Variants in SASH1 observed in about 807,000 individuals in gnomAD.
The protein encoded by SASH1 is SAM and SH3 domain containing 1.
SASH1 carries 44 observed loss-of-function variants against 125.2 expected under a neutral mutation model. The observed-to-expected ratio is 0.35, with a 90% confidence interval of 0.28 to 0.45. The LOEUF (loss-of-function observed/expected upper bound fraction) is 0.45. Among genes scored for constraint, SASH1 ranks in the 20% least tolerant of loss-of-function variants. SASH1 has a pLI of 1.00. For missense variants in SASH1, 1,426 were observed against 1,614.5 expected (o/e 0.88, Z 2.00); for synonymous variants, 639 against 649.1 (o/e 0.98, Z 0.24).
At chr6:148,335,020 G>A (rs189542370) in intron 1 of SASH1, among the ~76,000 whole-genome samples, 86 of 150,764 alleles carry the variant, frequency 5.7e-4, no homozygotes, top group African/African-American at 2.0e-3. Flanking sequence ...ATTTGAGGCC[G>A]GGCGTGGTGG....
At chr6:148,458,116 C>T (rs1342009331) in intron 4 of SASH1, among the ~76,000 whole-genome samples, 6 of 152,180 alleles carry the variant, frequency 3.9e-5, no homozygotes, top group Non-Finnish European at 8.8e-5. Context: ...GTTGGGCTTT[C>T]CAAGGCTTGA....
chr6:148,349,362 C>A (rs1190304348), intron 1 of SASH1, among the ~76,000 whole-genome samples: 1 of 133,630 alleles, frequency 7.5e-6, no homozygotes, highest in Non-Finnish European at 1.5e-5. Flanking sequence ...CTTCCAGGTT[C>A]AAGCAATTCT....
chr6:148,302,857 C>CAG (rs1381207369), intron 1 of SASH1, among the ~76,000 whole-genome samples: 243 of 150,166 alleles, frequency 1.6e-3, no homozygotes, highest in Middle Eastern at 6.8e-3. Flanking sequence ...CACACACACA[C>CAG]AGAGAGAAAG....
Position 148,548,431 on chromosome 6 carries a change from T to C in SASH1, c.3617T>C (p.Leu1206Pro). Residue 1206 changes from leucine (L) to proline (P), a missense_variant, in exon 20 of 20, where the codon CTG becomes CCG. This residue lies in a region of SASH1 where 634 missense variants were observed against 694.4 expected (regional missense o/e 0.91). Transcript: ENST00000367467. ...GTLSTAGFSTLSQVPSLSHTC... is the reference protein window; with the variant it reads ...GTLSTAGFSTPSQVPSLSHTC... Reference sequence around the variant, plus strand: ...CTCTCCACCGCGGGCTTCAGCACACTGAGCCAAGTGCCTTCTCTGTCTCAC... The same window carrying C: ...CTCTCCACCGCGGGCTTCAGCACACCGAGCCAAGTGCCTTCTCTGTCTCAC... 6.2e-7 allele frequency: 1 copy of C among 1,614,222 alleles called. No individual in the cohort carries two copies. Among genetic ancestry groups the C allele is most frequent in the Non-Finnish European group, 8.5e-7 (1 of 1,180,036 alleles).
In SASH1 at chr6:148,468,797, C is replaced by G. The variant is rs1474707; in HGVS notation, c.427+212C>G. 406,455 of 459,048 alleles carry G rather than the reference C, an allele frequency of 0.89. 180,223 individuals are homozygous for G. The highest frequency in any genetic ancestry group is 0.94 in the African/African-American group (46,445 of 49,436). The allele number at this position is 459,048 out of a possible 1,614,324, so 28.4% of individuals were successfully genotyped here. On this transcript the variant is annotated intron_variant, in intron 5 of 19. Transcript: ENST00000367467. ...CTGCATACTGTTTTATAGTTTTTAA[C>G]TTGAATATGTTATGAGCATTTTCCC...
Position 148,368,772 on chromosome 6 carries a change from A to G in SASH1, c.157-21362A>G, listed in dbSNP as rs75621910. On this transcript the variant is annotated intron_variant, in intron 1 of 19. Transcript: ENST00000367467. Reference sequence around the variant, plus strand: ...CCCACATGCGCGCGCACGCGCGCGCACACACACACACACACACACACACGG... The same window carrying G: ...CCCACATGCGCGCGCACGCGCGCGCGCACACACACACACACACACACACGG... 1.4e-4 allele frequency among the ~76,000 whole-genome samples: 14 copies of G among 97,692 alleles called. No homozygotes were observed. In the East Asian group the frequency reaches 2.2e-3, roughly 15 times the overall value. The allele number at this position is 97,692 out of a possible 152,430, so 64.1% of individuals were successfully genotyped here.
chr6:148,243,550 G>A, the SASH1 span, among the ~76,000 whole-genome samples: 3 of 149,266 alleles, frequency 2.0e-5, no homozygotes, highest in East Asian at 5.8e-4. Context: ...GGCTGAGGCA[G>A]GAGAATCGCT....
the SASH1 span, among the ~76,000 whole-genome samples, chr6:148,204,253 G>A: frequency 8.5e-5 from 13 of 152,284 alleles, no homozygotes; most frequent in African/African-American, 2.4e-4. Context: ...AGTGGTTTGC[G>A]GAATAGGTGC....
the SASH1 span, among the ~76,000 whole-genome samples, chr6:148,235,802 AT>A: frequency 2.0e-5 from 3 of 152,096 alleles, no homozygotes; most frequent in East Asian, 5.8e-4. Flanking sequence ...ATGGCCTTAA[AT>A]TTTCCCCTTG....
intron 1 of SASH1, among the ~76,000 whole-genome samples, chr6:148,343,879 C>T: frequency 6.6e-6 from 1 of 152,106 alleles, no homozygotes; most frequent in East Asian, 1.9e-4. Context: ...GGTTGAATAC[C>T]TTGGGGAAGT....
the SASH1 span, among the ~76,000 whole-genome samples, chr6:148,207,150 G>C: frequency 6.6e-6 from 1 of 152,120 alleles, no homozygotes; most frequent in Non-Finnish European, 1.5e-5. Context: ...GTCCCACCCT[G>C]ATTTTCCATG....
chr6:148,438,725 C>G (rs932836737), intron 2 of SASH1, among the ~76,000 whole-genome samples: 3 of 96,394 alleles, frequency 3.1e-5, no homozygotes, highest in Non-Finnish European at 5.9e-5. Flanking sequence ...TTCATTGTGG[C>G]AAAAAAAAAA....
chr6:148,399,926 A>G (rs1784108468), intron 2 of SASH1, among the ~76,000 whole-genome samples: 1 of 152,250 alleles, frequency 6.6e-6, no homozygotes, highest in Non-Finnish European at 1.5e-5. Flanking sequence ...CCAAAATTGT[A>G]GTGTGATCTC....
intron 1 of SASH1, among the ~76,000 whole-genome samples, chr6:148,320,961 A>C (rs1780619186): frequency 6.6e-6 from 1 of 152,224 alleles, no homozygotes; most frequent in East Asian, 1.9e-4. Context: ...GAAGCCTCTT[A>C]CAAGAAGTCT....
chr6:148,424,954 C>T (rs1775746581), intron 2 of SASH1, among the ~76,000 whole-genome samples: 1 of 152,168 alleles, frequency 6.6e-6, no homozygotes, highest in Non-Finnish European at 1.5e-5. Context: ...GATTGCAAGG[C>T]ACTAAGTTTG....
chr6:148,208,572 T>C, the SASH1 span, among the ~76,000 whole-genome samples: 1 of 152,200 alleles, frequency 6.6e-6, no homozygotes, highest in Non-Finnish European at 1.5e-5. Context: ...TTGATAAAAG[T>C]GTAATAAATC....
chr6:148,212,471 G>T, the SASH1 span, among the ~76,000 whole-genome samples: 1 of 152,188 alleles, frequency 6.6e-6, no homozygotes, highest in Non-Finnish European at 1.5e-5. Context: ...AGTCCAAGAT[G>T]CTCTGAAAGC....
At chr6:148,408,348 C>T (rs1472798186) in intron 2 of SASH1, among the ~76,000 whole-genome samples, 8 of 151,818 alleles carry the variant, frequency 5.3e-5, no homozygotes, top group Non-Finnish European at 1.0e-4. Flanking sequence ...CCTTGTGATC[C>T]GCCCGCCTCA....
chr6:148,427,623 G>C (rs553374964), intron 2 of SASH1, among the ~76,000 whole-genome samples: 1 of 152,276 alleles, frequency 6.6e-6, no homozygotes, highest in South Asian at 2.1e-4. Context: ...AGACAGTTTA[G>C]ACATTAAAGC....
Sources: gnomAD v4.1 joint callset for allele counts (sites outside exome capture counted in the v4.1 genomes callset) on GRCh38, gnomAD v4.1.1 for gene constraint, gnomAD v4.1.1 regional missense constraint, MANE v1.5 for transcripts, NCBI Gene and HGNC (gene_info 2026-07-23, HGNC 2026-07-21) for gene names.